ST18: variants seen among roughly 807,000 people sequenced by gnomAD.
The protein encoded by ST18 is ST18 C2H2C-type zinc finger transcription factor.
Under a neutral mutation model 110.0 loss-of-function variants are expected in ST18, and 50 were observed. The observed-to-expected ratio is 0.45, with a 90% confidence interval of 0.36 to 0.58. The LOEUF (loss-of-function observed/expected upper bound fraction) is 0.58, where lower values mean the gene tolerates loss of function less well. Among genes scored for constraint, ST18 ranks in the 20% least tolerant of loss-of-function variants. The probability of loss-of-function intolerance (pLI) is 0.00; values close to 1 mark genes in which losing one functional copy is unlikely to be tolerated. For missense variants in ST18, 1,306 were observed against 1,280.1 expected (o/e 1.02, Z -0.31); for synonymous variants, 461 against 452.4 (o/e 1.02, Z -0.24).
intron 2 of ST18, among the ~76,000 whole-genome samples, chr8:52,234,815 C>T (rs1348305503): frequency 6.6e-6 from 1 of 151,218 alleles, no homozygotes; most frequent in Non-Finnish European, 1.5e-5. Flanking sequence ...GCATTCTCAG[C>T]AACCTGGATG....
At chr8:52,127,291 C>T (rs2047465986) in intron 22 of ST18, among the ~76,000 whole-genome samples, 1 of 151,878 alleles carries the variant, frequency 6.6e-6, no homozygotes, top group Admixed American at 6.6e-5. Flanking sequence ...TGCAGTTTGC[C>T]TAATTTGATA....
rs1395786216 is a variant in ST18, at chr8:52,204,023, T to G, written c.86+8056A>C. Among the ~76,000 whole-genome samples the G allele has an allele frequency of 2.0e-5, 3 of 152,338 alleles. No individual in the cohort carries two copies. The East Asian group carries it at 5.8e-4, about 29-fold the overall frequency. ...ATAAAATAGCATCTTAAAAGTCTCCTTCCTTAAACTCTCATTTCTGATACA... is the reference window on the plus strand; with the variant it reads ...ATAAAATAGCATCTTAAAAGTCTCCGTCCTTAAACTCTCATTTCTGATACA... On this transcript the variant is annotated intron_variant, in intron 8 of 25. Transcript: ENST00000689386.
chr8:52,144,649 T>C (rs2056581277), intron 16 of ST18, among the ~76,000 whole-genome samples: 1 of 152,136 alleles, frequency 6.6e-6, no homozygotes, highest in Non-Finnish European at 1.5e-5. Context: ...TTGATGGTAT[T>C]AAGTGTTTCA....
At chr8:52,409,191 C>G (rs1024659720) in intron 2 of ST18, 137 bp downstream of exon 2, 1 of 152,264 alleles carries the variant, frequency 6.6e-6, no homozygotes, top group African/African-American at 2.4e-5. Flanking sequence ...CCCATGCCCA[C>G]GAGAGGGAGG....
Position 52,172,373 on chromosome 8 carries a change from T to G in ST18, c.488A>C (p.Glu163Ala). 6.2e-7 allele frequency: 1 copy of G among 1,614,146 alleles called. No homozygotes were observed. Among genetic ancestry groups the G allele is most frequent in the Non-Finnish European group, 8.5e-7 (1 of 1,180,030 alleles). The change falls in exon 10 of 26, where the codon GAA becomes GCA. Residue 163 changes from glutamate (E) to alanine (A), a missense_variant. Transcript: ENST00000689386. ...ATGAATCAGAAAGCACTCGTCTGCT[T>G]CATCGCTCTCTGCTTTTAAAGACTG... ...GIQSLKAESD[E>A]ADECFLIHSD...
chr8:52,342,773 A>G (rs928758803), intron 2 of ST18, among the ~76,000 whole-genome samples: 3 of 152,170 alleles, frequency 2.0e-5, no homozygotes, highest in African/African-American at 7.2e-5. Context: ...ACTCTGTTTC[A>G]TCCACCTCAA....
chr8:52,126,040 C>G lies in ST18; in HGVS notation c.2755+12G>C, dbSNP rs1462734431. 1.2e-6 allele frequency: 2 copies of G among 1,613,556 alleles called. No homozygotes were observed. Among genetic ancestry groups the G allele is most frequent in the Non-Finnish European group, 1.7e-6 (2 of 1,179,566 alleles). ...CTGCAGGAGGTGGTGACAGCCAGCCCTGTGCTCTTACCCCCAGTTGCTTTG... is the reference window on the plus strand; with the variant it reads ...CTGCAGGAGGTGGTGACAGCCAGCCGTGTGCTCTTACCCCCAGTTGCTTTG... On this transcript the variant is annotated intron_variant, in intron 23 of 25. Transcript: ENST00000689386.
intron 10 of ST18, among the ~76,000 whole-genome samples, chr8:52,169,055 C>T (rs554354807): frequency 1.1e-4 from 17 of 152,212 alleles, no homozygotes; most frequent in Non-Finnish European, 1.6e-4. Context: ...GCAGGAAGCC[C>T]GAGAGGGTGC....
At position 52,322,888 on chromosome 8, in the gene ST18, T is replaced by C. The variant is rs543640305; in HGVS notation, c.-465+86440A>G. Reference sequence around the variant, plus strand: ...CTATCATTGATGATTGGGTGTGTTATTGAACACTTTGAAAATATTGCATCC... The same window carrying C: ...CTATCATTGATGATTGGGTGTGTTACTGAACACTTTGAAAATATTGCATCC... On this transcript the variant is annotated intron_variant, in intron 2 of 25. Coordinates refer to ENST00000689386, the MANE Select transcript of ST18 (RefSeq NM_001352837.2). Among the ~76,000 whole-genome samples the C allele has an allele frequency of 5.3e-5, 8 of 152,328 alleles. No individual in the cohort carries two copies. The South Asian group carries it at 1.0e-3, about 20-fold the overall frequency.
At chr8:52,394,336 A>G (rs1258242762) in intron 2 of ST18, among the ~76,000 whole-genome samples, 1 of 152,208 alleles carries the variant, frequency 6.6e-6, no homozygotes. Context: ...AAAAATATAT[A>G]TATCTTTAGA....
intron 8 of ST18, among the ~76,000 whole-genome samples, chr8:52,182,555 A>T (rs1431276158): frequency 1.3e-5 from 2 of 152,204 alleles, no homozygotes; most frequent in African/African-American, 4.8e-5. Context: ...TGAAAGACAA[A>T]TGCTGTGTGA....
rs559213072 is a variant in ST18, at chr8:52,238,880, G to A, written c.-464-8803C>T. On this transcript the variant is annotated intron_variant, in intron 2 of 25. Transcript: ENST00000689386. ...AGGGTGGGGGGTGGGAGGAGGGTGAGGGATGAGAAATTACTTAATGGGTAT... is the reference window on the plus strand; with the variant it reads ...AGGGTGGGGGGTGGGAGGAGGGTGAAGGATGAGAAATTACTTAATGGGTAT... 7.3e-5 allele frequency among the ~76,000 whole-genome samples: 11 copies of A among 150,512 alleles called. No individual in the cohort carries two copies. The South Asian group carries it at 1.7e-3, about 23-fold the overall frequency.
intron 13 of ST18, among the ~76,000 whole-genome samples, chr8:52,161,833 G>A (rs1408040394): frequency 6.6e-6 from 1 of 152,202 alleles, no homozygotes; most frequent in Admixed American, 6.5e-5. Context: ...TTAAGAATAT[G>A]CAATCCTCCA....
intron 2 of ST18, among the ~76,000 whole-genome samples, chr8:52,368,610 A>G (rs1472651122): frequency 6.6e-6 from 1 of 152,196 alleles, no homozygotes. Context: ...GTCAGTGGGG[A>G]GCTCACTGCC....
At chr8:52,354,063 C>A (rs926727416) in intron 2 of ST18, among the ~76,000 whole-genome samples, 33 of 152,248 alleles carry the variant, frequency 2.2e-4, no homozygotes, top group African/African-American at 7.5e-4. Context: ...CCAAAGAGCA[C>A]CAACCTTTCC....
At chr8:52,403,084 A>G (rs994613783) in intron 2 of ST18, among the ~76,000 whole-genome samples, 1 of 152,098 alleles carries the variant, frequency 6.6e-6, no homozygotes, top group Non-Finnish European at 1.5e-5. Context: ...CTTGGGTCCA[A>G]GTAGCTGGGG....
intron 3 of ST18, among the ~76,000 whole-genome samples, chr8:52,224,917 A>T (rs1010619254): frequency 1.3e-5 from 2 of 152,186 alleles, no homozygotes. Context: ...GCTTTTTGAA[A>T]TCTCTGCCTT....
chr8:52,347,421 A>G (rs1818262540), intron 2 of ST18, among the ~76,000 whole-genome samples: 1 of 152,224 alleles, frequency 6.6e-6, no homozygotes, highest in African/African-American at 2.4e-5. Flanking sequence ...GGGTGTTGCT[A>G]GAGAATGGCG....
chr8:52,214,380 A>G, intron 6 of ST18, 123 bp from the exon 7 acceptor site: 1 of 958,586 alleles, frequency 1.0e-6, no homozygotes, highest in Non-Finnish European at 1.6e-6. Flanking sequence ...CTTGACTCAC[A>G]GCCCGGCTCT....
Sources: gnomAD v4.1 joint callset for allele counts (sites outside exome capture counted in the v4.1 genomes callset) on GRCh38, gnomAD v4.1.1 for gene constraint, MANE v1.5 for transcripts, NCBI Gene and HGNC (gene_info 2026-07-23, HGNC 2026-07-21) for gene names.